The following BANP variants were observed in gnomAD, a reference collection of about 807,000 sequenced individuals.
BANP encodes the protein BTG3 associated nuclear protein, also known as protein BANP.
A neutral mutation model predicts 68.1 loss-of-function variants in BANP; 11 were observed. That is an observed-to-expected ratio of 0.16 (90% confidence interval 0.10 to 0.27). The LOEUF is 0.27. BANP is among the 10% of genes least tolerant of loss of function. The pLI, the probability that BANP is intolerant of heterozygous loss-of-function variation, is 1.00. For missense variants in BANP, 504 were observed against 722.7 expected (o/e 0.70, Z 3.47); for synonymous variants, 329 against 303.2 (o/e 1.09, Z -0.88).
intron 1 of BANP, among the ~76,000 whole-genome samples, chr16:87,967,376 G>T (rs1019018451): frequency 4.6e-5 from 7 of 150,724 alleles, no homozygotes; most frequent in African/African-American, 1.7e-4. Flanking sequence ...CCGAAGTGCT[G>T]GGATTACAAA....
intron 12 of BANP, among the ~76,000 whole-genome samples, chr16:88,069,344 A>G (rs8045277): frequency 7.2e-5 from 11 of 152,238 alleles, no homozygotes; most frequent in Non-Finnish European, 4.4e-5. Flanking sequence ...TGTTAAAAAA[A>G]TATAAGGCAT....
chr16:88,027,756 C>G, intron 8 of BANP, 106 bp downstream of exon 8: 2 of 1,378,846 alleles, frequency 1.5e-6, no homozygotes, highest in Non-Finnish European at 2.0e-6. Flanking sequence ...CACCAGTGGC[C>G]GGGAGCCGAG....
intron 6 of BANP, among the ~76,000 whole-genome samples, 173 bp downstream of exon 6, chr16:88,006,438 G>A (rs552523646): frequency 3.0e-4 from 45 of 150,942 alleles, no homozygotes; most frequent in African/African-American, 1.1e-3. Context: ...CCTGAAGTCG[G>A]GAGTTCGAGA....
intron 4 of BANP, among the ~76,000 whole-genome samples, chr16:87,994,275 C>CT (rs1308903869): frequency 1.3e-5 from 2 of 152,226 alleles, no homozygotes; most frequent in Non-Finnish European, 2.9e-5. Context: ...ATTTGTGTAG[C>CT]TTCTAGGAAA....
In BANP at chr16:88,033,517, C is replaced by T. The variant is rs550338153; in HGVS notation, c.1200+272C>T. Among the ~76,000 whole-genome samples, 230 of 152,294 alleles carry T rather than the reference C, an allele frequency of 1.5e-3. No individual in the cohort carries two copies. The highest frequency in any genetic ancestry group is 2.9e-3 in the African/African-American group (121 of 41,572). On this transcript the variant is annotated intron_variant, in intron 9 of 13. Transcript: ENST00000682872. ...CACCTCAGTCCTGCCAGCAGGCAGG[C>T]GGGCAGTCAGCTCCAAGGGTCAGGC...
intron 6 of BANP, 38 bp downstream of exon 6, chr16:88,006,303 T>C: frequency 6.5e-7 from 1 of 1,539,154 alleles, no homozygotes; most frequent in African/African-American, 1.4e-5. Context: ...AGAGCGCCAG[T>C]ACAATTGTTT....
At chr16:87,997,387 G>C (rs1361010137) in intron 4 of BANP, among the ~76,000 whole-genome samples, 1 of 152,288 alleles carries the variant, frequency 6.6e-6, no homozygotes, top group East Asian at 1.9e-4. Flanking sequence ...AAAAGCATGA[G>C]AAATACTTAG....
rs2091716490 is a variant in BANP at position 88,076,988 on chromosome 16, G to A, written c.*327G>A. 3.7e-6 allele frequency: 1 copy of A among 273,596 alleles called. No individual in the cohort carries two copies. The highest frequency in any genetic ancestry group is 2.2e-5 in the African/African-American group (1 of 44,868). The allele number at this position is 273,596 out of a possible 1,614,324, so 16.9% of individuals were successfully genotyped here. ...ACAGCTTTTTTTAATTTGCTATGGT[G>A]TTTATAACAAAAAAGAAAATTTGAA... On this transcript the variant is annotated 3_prime_UTR_variant, in exon 14 of 14. Coordinates refer to ENST00000682872, the MANE Select transcript of BANP (RefSeq NM_001386991.1).
At chr16:88,069,477 G>A (rs1049688494) in intron 12 of BANP, among the ~76,000 whole-genome samples, 14 of 152,128 alleles carry the variant, frequency 9.2e-5, no homozygotes, top group African/African-American at 2.7e-4. Flanking sequence ...GCTCCCTCTC[G>A]AAGAACCCAG....
intron 1 of BANP, among the ~76,000 whole-genome samples, chr16:87,968,019 G>A (rs1421220502): frequency 1.3e-5 from 2 of 150,214 alleles, no homozygotes; most frequent in Non-Finnish European, 3.0e-5. Context: ...CTCCCAAAGT[G>A]CTGGGATTAC....
At chr16:87,949,908 C>T (rs1355560580), upstream of BANP, 4 of 146,398 alleles carry the variant, frequency 2.7e-5, no homozygotes, top group African/African-American at 1.0e-4. Context: ...GACGGAGTCT[C>T]GTTCTGCTGC....
Position 87,968,506 on chromosome 16 carries a change from A to G in BANP, c.-68-6542A>G, listed in dbSNP as rs777532914. On this transcript the variant is annotated intron_variant, in intron 1 of 13. Transcript: ENST00000682872. ...TCTCAAAAAAAAAAAAAATAAGTTT[A>G]GTTTATCCCTTTAATAATCTTTGCT... Among the ~76,000 whole-genome samples the G allele has an allele frequency of 2.7e-3, 341 of 127,024 alleles. 4 individuals are homozygous for G. Among genetic ancestry groups the G allele is most frequent in the Non-Finnish European group, 5.1e-3 (301 of 59,142 alleles). The allele number at this position is 127,024 out of a possible 152,430, so 83.3% of individuals were successfully genotyped here.
intron 6 of BANP, among the ~76,000 whole-genome samples, chr16:88,007,269 C>T (rs541935024): frequency 2.0e-4 from 31 of 152,266 alleles, no homozygotes; most frequent in African/African-American, 6.7e-4. Context: ...AGTGTCTGGA[C>T]GTGGGCTCTC....
Position 87,974,962 on chromosome 16 carries a change from A to G in BANP, c.-68-86A>G, listed in dbSNP as rs2061749595. 3 of 650,606 alleles carry G rather than the reference A, an allele frequency of 4.6e-6. No individual in the cohort carries two copies. The Admixed American group carries it at 7.6e-5, about 17-fold the overall frequency. The allele number at this position is 650,606 out of a possible 1,614,324, so 40.3% of individuals were successfully genotyped here. A position where few individuals can be genotyped will look rare whatever the true frequency, so the allele number is the denominator to read the frequency against. ...TCCACAGACGTTCGCGGCCTCTTGC[A>G]TACACGTGCTCGGCTCGTGGTTTTC... On this transcript the variant is annotated intron_variant, in intron 1 of 13. Coordinates refer to ENST00000682872, the MANE Select transcript of BANP (RefSeq NM_001386991.1).
In BANP at chr16:88,073,215, G is replaced by A. The variant is rs186163287; in HGVS notation, c.1521+1003G>A. Among the ~76,000 whole-genome samples the A allele has an allele frequency of 3.2e-4, 48 of 152,352 alleles. No homozygotes were observed. The East Asian group carries it at 5.8e-3, about 18-fold the overall frequency. ...GGGTGCGCAGGTCGCCAGGCTGGGC[G>A]GTTCTGCAGTCCCTCAGCCGCGACA... On this transcript the variant is annotated intron_variant, in intron 13 of 13. Coordinates refer to ENST00000682872, the MANE Select transcript of BANP (RefSeq NM_001386991.1).
chr16:87,979,703 T>A (rs1246323578), intron 2 of BANP, among the ~76,000 whole-genome samples: 1 of 152,218 alleles, frequency 6.6e-6, no homozygotes, highest in Admixed American at 6.5e-5. Context: ...GATTTCTGAT[T>A]TTTTTCTATC....
intron 11 of BANP, among the ~76,000 whole-genome samples, chr16:88,039,908 ACTCT>A (rs913746583): frequency 1.3e-5 from 2 of 151,736 alleles, no homozygotes; most frequent in Non-Finnish European, 2.9e-5. Context: ...CTGAGTCCCC[ACTCT>A]CTCTAAGTGG....
rs745847142 is a variant in BANP, at chr16:88,071,242, C to T, written c.1378-827C>T. 5.4e-5 allele frequency: 19 copies of T among 353,564 alleles called. No homozygotes were observed. Among genetic ancestry groups the T allele is most frequent in the South Asian group, 1.3e-4 (6 of 47,730 alleles). The allele number at this position is 353,564 out of a possible 1,614,324, so 21.9% of individuals were successfully genotyped here. Reference sequence around the variant, plus strand: ...GGCCCTCCCGTAGTGGGGTGCAACCCCAAGTGAAGACCCCGTGGCTCATGT... The same window carrying T: ...GGCCCTCCCGTAGTGGGGTGCAACCTCAAGTGAAGACCCCGTGGCTCATGT... On this transcript the variant is annotated intron_variant, in intron 12 of 13. Transcript: ENST00000682872. This position sits in a 1 kb window ranked among gnomAD's most constrained non-coding sequence, Gnocchi z 6.5.
rs1417307079 is a variant in BANP at position 88,074,838 on chromosome 16, A to ATCCTAACCTGGAAGGCCCCTCC, written c.1522-1747_1522-1746insACCTGGAAGGCCCCTCCTCCTA. 3.0e-4 allele frequency among the ~76,000 whole-genome samples: 45 copies of ATCCTAACCTGGAAGGCCCCTCC among 151,998 alleles called. 1 individual carries two copies. The highest frequency in any genetic ancestry group is 4.9e-4 in the Non-Finnish European group (33 of 67,996). ...GAGACAGTCCTCATACTGACCCCTCATCCTACCCTGGAAGGCCCCTCCTCC... is the reference window on the plus strand; with the variant it reads ...GAGACAGTCCTCATACTGACCCCTCATCCTAACCTGGAAGGCCCCTCCTCCTACCCTGGAAGGCCCCTCCTCC... On this transcript the variant is annotated intron_variant, in intron 13 of 13. Coordinates refer to ENST00000682872, the MANE Select transcript of BANP (RefSeq NM_001386991.1).
Sources: gnomAD v4.1 joint callset for allele counts (sites outside exome capture counted in the v4.1 genomes callset) on GRCh38, gnomAD v4.1.1 for gene constraint, Gnocchi (gnomAD v3.1) non-coding constraint, MANE v1.5 for transcripts, NCBI Gene and HGNC (gene_info 2026-07-23, HGNC 2026-07-21) for gene names.